GPC5: variants seen among roughly 807,000 people sequenced by gnomAD.
GPC5 encodes glypican-5.
A neutral mutation model predicts 53.9 loss-of-function variants in GPC5; 47 were observed. That is an observed-to-expected ratio of 0.87 (90% CI 0.69 to 1.11). The LOEUF is 1.11. GPC5 is among the 50% of genes most tolerant of loss of function. GPC5 has a pLI of 0.00. For missense variants in GPC5, 748 were observed against 713.1 expected, an observed-to-expected ratio of 1.05 and a Z score of -0.56; for synonymous variants, 286 against 263.3, an observed-to-expected ratio of 1.09 and a Z score of -0.84.
intron 7 of GPC5, among the ~76,000 whole-genome samples, chr13:92,691,555 C>T (rs12429761): frequency 1.1e-4 from 17 of 151,972 alleles, no homozygotes; most frequent in East Asian, 5.9e-4. Context: ...AGCTGTAGAC[C>T]GGAGCTGTTC....
intron 2 of GPC5, among the ~76,000 whole-genome samples, chr13:91,597,060 G>A (rs2033020800): frequency 1.3e-5 from 2 of 152,156 alleles, no homozygotes; most frequent in South Asian, 4.1e-4. Flanking sequence ...CCCACTGCAA[G>A]GCCTGGAAAC....
At chr13:92,663,711 C>CTA (rs976383431) in intron 7 of GPC5, among the ~76,000 whole-genome samples, 1 of 127,932 alleles carries the variant, frequency 7.8e-6, no homozygotes, top group Non-Finnish European at 1.7e-5. Flanking sequence ...TATATATCTA[C>CTA]TATATATATC....
intron 7 of GPC5, among the ~76,000 whole-genome samples, chr13:92,559,077 C>T (rs1265509939): frequency 6.6e-6 from 1 of 151,914 alleles, no homozygotes; most frequent in African/African-American, 2.4e-5. Flanking sequence ...CAGCAAGAGA[C>T]CAATGCCCAC....
chr13:92,741,333 A>G (rs1030024582), intron 7 of GPC5, among the ~76,000 whole-genome samples: 6 of 151,880 alleles, frequency 4.0e-5, no homozygotes, highest in African/African-American at 1.2e-4. Flanking sequence ...GAGCAATCAC[A>G]TTAATGTATT....
intron 2 of GPC5, among the ~76,000 whole-genome samples, chr13:91,661,993 A>G (rs979800322): frequency 2.6e-5 from 4 of 152,200 alleles, no homozygotes; most frequent in Non-Finnish European, 5.9e-5. Flanking sequence ...CAGTCTAGAC[A>G]TGTCTAGAGT....
chr13:91,830,812 C>T (rs1245932060), intron 5 of GPC5, among the ~76,000 whole-genome samples: 3 of 126,404 alleles, frequency 2.4e-5, no homozygotes, highest in Admixed American at 8.8e-5. Context: ...TAATATATAT[C>T]CTATTATATA....
At chr13:91,972,538 G>C (rs953191442) in intron 6 of GPC5, among the ~76,000 whole-genome samples, 4 of 152,142 alleles carry the variant, frequency 2.6e-5, no homozygotes. Context: ...TTGCTTGTTA[G>C]TTGATACAGT....
chr13:91,868,706 A>G (rs1179689890), intron 5 of GPC5, among the ~76,000 whole-genome samples: 2 of 152,226 alleles, frequency 1.3e-5, no homozygotes, highest in African/African-American at 4.8e-5. Flanking sequence ...CCTTGTCTCA[A>G]AAAAGAATTA....
chr13:92,814,091 T>A (rs527684804), intron 7 of GPC5, among the ~76,000 whole-genome samples: 1 of 152,126 alleles, frequency 6.6e-6, no homozygotes, highest in Non-Finnish European at 1.5e-5. Flanking sequence ...GGTCAATTGA[T>A]TTGTAATGAA....
intron 7 of GPC5, among the ~76,000 whole-genome samples, chr13:92,731,393 C>T (rs917546042): frequency 5.3e-5 from 8 of 150,958 alleles, no homozygotes; most frequent in Non-Finnish European, 7.4e-5. Flanking sequence ...AGTATATAAA[C>T]GTGAAATAAT....
intron 7 of GPC5, among the ~76,000 whole-genome samples, chr13:92,417,982 A>C (rs564142650): frequency 1.4e-4 from 21 of 152,344 alleles, no homozygotes; most frequent in African/African-American, 5.1e-4. Flanking sequence ...CTACTATAAA[A>C]ACAGGTAAAG....
At chr13:91,563,844 A>G (rs557376424) in intron 2 of GPC5, among the ~76,000 whole-genome samples, 14 of 151,450 alleles carry the variant, frequency 9.2e-5, no homozygotes, top group Non-Finnish European at 1.3e-4. Flanking sequence ...CTCTCTGACC[A>G]TTTCCTTCCT....
chr13:91,666,108 T>C (rs9589327), intron 2 of GPC5, among the ~76,000 whole-genome samples: 38,321 of 152,134 alleles, frequency 0.25, 6,708 homozygotes, highest in African/African-American at 0.49. Flanking sequence ...ATCTAGAAAA[T>C]CCTGAGTCCA....
intron 7 of GPC5, among the ~76,000 whole-genome samples, chr13:92,647,361 C>G (rs1312451570): frequency 2.0e-5 from 3 of 152,102 alleles, no homozygotes; most frequent in Non-Finnish European, 4.4e-5. Flanking sequence ...TTGAGATCCT[C>G]CAGGTGCTTC....
chr13:92,709,569 G>C (rs1272745375), intron 7 of GPC5: 1 of 152,080 alleles, frequency 6.6e-6, no homozygotes, highest in Non-Finnish European at 1.5e-5. Context: ...TTCTCCTTAG[G>C]CGACCTTCAG....
intron 6 of GPC5, among the ~76,000 whole-genome samples, chr13:92,032,310 T>A (rs1464181253): frequency 6.6e-6 from 1 of 151,246 alleles, no homozygotes; most frequent in Non-Finnish European, 1.5e-5. Context: ...GGGTTAGGGA[T>A]AAAAGACTAC....
At chr13:92,410,181 T>G (rs1372616428) in intron 7 of GPC5, among the ~76,000 whole-genome samples, 1 of 152,164 alleles carries the variant, frequency 6.6e-6, no homozygotes, top group Admixed American at 6.5e-5. Context: ...AGAAGCAATG[T>G]AGAGGGTTTC....
intron 7 of GPC5, among the ~76,000 whole-genome samples, chr13:92,714,543 C>G (rs1409646221): frequency 6.6e-6 from 1 of 152,186 alleles, no homozygotes; most frequent in African/African-American, 2.4e-5. Context: ...CAAAGCTTTT[C>G]TACCTTCATT....
At chr13:92,661,185 C>G (rs1295006684) in intron 7 of GPC5, among the ~76,000 whole-genome samples, 1 of 151,922 alleles carries the variant, frequency 6.6e-6, no homozygotes, top group Admixed American at 6.6e-5. Context: ...CTCCCAGCTA[C>G]TAGGGAGGCT....
Sources: gnomAD v4.1 joint callset for allele counts (sites outside exome capture counted in the v4.1 genomes callset) on GRCh38, gnomAD v4.1.1 for gene constraint, MANE v1.5 for transcripts, NCBI Gene and HGNC (gene_info 2026-07-23, HGNC 2026-07-21) for gene names.